The following RGS22 variants were observed in gnomAD, a reference collection of about 807,000 sequenced individuals.
RGS22 encodes the protein regulator of G-protein signaling 22.
In RGS22, 148 loss-of-function variants were observed where a neutral mutation model predicts 172.9. That is an observed-to-expected ratio of 0.86 (90% CI 0.75 to 0.98). The LOEUF (loss-of-function observed/expected upper bound fraction) is 0.98, where lower values mean the gene tolerates loss of function less well. Ranked by LOEUF, RGS22 falls within the 50% of genes least tolerant of loss-of-function variation. RGS22 has a pLI of 0.00. For missense variants in RGS22, 1,347 were observed against 1,440.8 expected (o/e 0.93, Z 1.05); for synonymous variants, 458 against 480.2 (o/e 0.95, Z 0.60).
At position 100,062,738 on chromosome 8, in the gene RGS22, ATCT is replaced by A. The variant is rs1554630398; in HGVS notation, c.1364_1366del (p.Lys455del). 8 of 1,598,638 alleles carry A rather than the reference ATCT, an allele frequency of 5.0e-6. No homozygotes were observed. The highest frequency in any genetic ancestry group is 6.8e-6 in the Non-Finnish European group (8 of 1,174,500). On this transcript the variant is annotated inframe_deletion, in exon 9 of 28. Transcript: ENST00000360863. ...ATTGCTCACTAGATAGCATTTTTTC[ATCT>A]TCTCAAGATGTCTGAAATAAAACAC...
intron 3 of RGS22, among the ~76,000 whole-genome samples, chr8:100,090,965 T>C (rs374329412): frequency 6.6e-6 from 1 of 152,156 alleles, no homozygotes; most frequent in Admixed American, 6.6e-5. Flanking sequence ...TAATACTTTA[T>C]TGAAATCATA....
At chr8:100,077,418 T>C (rs1482289588) in intron 4 of RGS22, among the ~76,000 whole-genome samples, 2 of 152,216 alleles carry the variant, frequency 1.3e-5, no homozygotes, top group Non-Finnish European at 2.9e-5. Context: ...ATCCCACAAA[T>C]TTTGATATGT....
Position 99,987,461 on chromosome 8 carries a change from A to T in RGS22, c.3177T>A (p.Tyr1059Ter). The change falls in exon 21 of 28, where the codon TAT becomes TAA. Residue 1059 changes from tyrosine (Y) to a stop codon, truncating the protein, a stop_gained. Transcript: ENST00000360863. LOFTEE classifies it high-confidence loss of function. Reference protein sequence around the residue: ...GLLFWQEVQKYKDLCHSHCDE... With the variant: ...GLLFWQEVQK ...TCTCTAGCTCCCAATACAATACCTT[A>T]TATTTTTGTACTTCTTGCCAAAAGA... is the stretch of plus-strand genomic sequence containing the variant. 1.2e-6 allele frequency: 2 copies of T among 1,602,540 alleles called. No individual in the cohort carries two copies. Among genetic ancestry groups the T allele is most frequent in the Non-Finnish European group, 1.7e-6 (2 of 1,173,640 alleles).
chr8:100,066,695 C>T (rs1810556511), intron 6 of RGS22, among the ~76,000 whole-genome samples: 1 of 152,098 alleles, frequency 6.6e-6, no homozygotes, highest in Non-Finnish European at 1.5e-5. Flanking sequence ...TACTTCAGGT[C>T]CCCCATTCTG....
chr8:100,077,843 T>G (rs1057069415), intron 4 of RGS22, among the ~76,000 whole-genome samples: 1 of 152,180 alleles, frequency 6.6e-6, no homozygotes, highest in Admixed American at 6.5e-5. Flanking sequence ...AACTATAAAT[T>G]TATCTATTTC....
At position 99,987,619 on chromosome 8, in the gene RGS22, G is replaced by A. The variant is rs769248020; in HGVS notation, c.3019C>T (p.Pro1007Ser). Residue 1007 changes from proline (P) to serine (S), a missense_variant and splice_region_variant, in exon 21 of 28, where the codon CCT (proline) becomes TCT (serine). Transcript: ENST00000360863. ...GAAGAGATCCACTTACTCTCCACAG[G>A]CTGTCCAAAGCAGAGAATATAGGAA... ...KAEKKIGVWK[P>S]VESKWISSSC... 4 of 1,573,544 alleles carry A rather than the reference G, an allele frequency of 2.5e-6. No homozygotes were observed. The highest frequency in any genetic ancestry group is 2.6e-6 in the Non-Finnish European group (3 of 1,159,116).
rs745491621 is a variant in RGS22, at chr8:100,063,789, C to T, written c.979G>A (p.Ala327Thr). The change falls in exon 8 of 28, where the codon GCA (alanine) becomes ACA (threonine). Residue 327 changes from alanine (A) to threonine (T), a missense_variant. Coordinates refer to ENST00000360863, the MANE Select transcript of RGS22 (RefSeq NM_015668.5). ...GGCTTTCCAACAATTTGCTGAATTG[C>T]TCCTCTCAAAATAAAGTATATATAG... is the stretch of plus-strand genomic sequence containing the variant. ...SSYIYFILRG[A>T]IQQIVGKPVG... is the part of the protein sequence containing the mutation. 4 of 1,613,918 alleles carry T rather than the reference C, an allele frequency of 2.5e-6. No individual in the cohort carries two copies. Among genetic ancestry groups the T allele is most frequent in the Non-Finnish European group, 2.5e-6 (3 of 1,180,010 alleles).
chr8:100,015,463 T>C (rs1485588408), intron 14 of RGS22, among the ~76,000 whole-genome samples: 1 of 152,082 alleles, frequency 6.6e-6, no homozygotes, highest in East Asian at 1.9e-4. Flanking sequence ...AGGCTAATTT[T>C]TGTATTTTTC....
chr8:100,034,673 A>G (rs190727411), intron 14 of RGS22, among the ~76,000 whole-genome samples: 13 of 152,338 alleles, frequency 8.5e-5, no homozygotes, highest in Admixed American at 2.6e-4. Flanking sequence ...TCCTAAGCAA[A>G]AAGAACAAAG....
chr8:100,011,711 A>G (rs1816405379), intron 14 of RGS22, among the ~76,000 whole-genome samples: 1 of 152,208 alleles, frequency 6.6e-6, no homozygotes, highest in Non-Finnish European at 1.5e-5. Flanking sequence ...GTGCCAAAAG[A>G]AAATAACTGC....
chr8:100,077,544 A>T (rs183077240), intron 4 of RGS22, among the ~76,000 whole-genome samples: 1 of 152,340 alleles, frequency 6.6e-6, no homozygotes, highest in African/African-American at 2.4e-5. Flanking sequence ...GGATTTTGTT[A>T]CCGATTTATA....
intron 13 of RGS22, among the ~76,000 whole-genome samples, chr8:100,039,382 T>G (rs1020134464): frequency 4.6e-5 from 7 of 150,686 alleles, no homozygotes; most frequent in Non-Finnish European, 8.9e-5. Flanking sequence ...TAAATACTTT[T>G]TTTTTTTTTT....
Position 100,063,512 on chromosome 8 carries a change from T to C in RGS22, c.1256A>G (p.Lys419Arg), listed in dbSNP as rs1340335897. 1.2e-6 allele frequency: 2 copies of C among 1,613,856 alleles called. No homozygotes were observed. The highest frequency in any genetic ancestry group is 1.3e-5 in the African/African-American group (1 of 74,932). Residue 419 changes from lysine to arginine, a missense_variant, in exon 8 of 28, where the codon AAG becomes AGG. Physicochemically the swap from Lys to Arg is conservative, Grantham distance 26. Transcript: ENST00000360863. Reference sequence around the variant, plus strand: ...TCCCAATGTACCTTTTATAAATTTCTTAAATCTTTCAAACTCCTTTCTATT... The same window carrying C: ...TCCCAATGTACCTTTTATAAATTTCCTAAATCTTTCAAACTCCTTTCTATT... ...IGNRKEFERF[K>R]KFIKGTLGER...
chr8:100,025,926 A>C (rs775040115), intron 14 of RGS22, among the ~76,000 whole-genome samples: 5 of 152,208 alleles, frequency 3.3e-5, no homozygotes, highest in Admixed American at 6.5e-5. Context: ...TAGGCAAAAG[A>C]AAGCACATTC....
chr8:100,045,016 C>T (rs562438840), intron 11 of RGS22, among the ~76,000 whole-genome samples: 1 of 152,182 alleles, frequency 6.6e-6, no homozygotes, highest in African/African-American at 2.4e-5. Flanking sequence ...GGCTTGGTGG[C>T]TCATGCCTGT....
chr8:99,977,907 CTT>C lies in RGS22; in HGVS notation c.3519+8_3519+9del. 6.4e-7 allele frequency: 1 copy of C among 1,553,064 alleles called. No individual in the cohort carries two copies. Among genetic ancestry groups the C allele is most frequent in the Non-Finnish European group, 8.6e-7 (1 of 1,160,242 alleles). ...AAGTCTGATAAAACCCAAAATGAGT[CTT>C]GTCTCACCTTTCCAGATTTTTCGTC... On this transcript the variant is annotated splice_region_variant and intron_variant, in intron 23 of 27. Transcript: ENST00000360863.
In RGS22 at chr8:99,978,008, T is replaced by C; in HGVS notation, c.3428A>G (p.Asp1143Gly). The change falls in exon 23 of 28, where the codon GAT becomes GGT. Residue 1143 changes from aspartate to glycine, a missense_variant. Transcript: ENST00000360863. ...QFCEFRKNLTDENIMSVLERR... is the reference protein window; with the variant it reads ...QFCEFRKNLTGENIMSVLERR... ...CTCTAAAACACTCATAATATTTTCA[T>C]CTGTTAAATTCTTCCTAAACTCACA... 1.3e-6 allele frequency: 2 copies of C among 1,549,674 alleles called. No homozygotes were observed. The highest frequency in any genetic ancestry group is 2.4e-5 in the East Asian group (1 of 41,332).
chr8:100,083,706 C>T (rs1811935831), intron 3 of RGS22, among the ~76,000 whole-genome samples: 1 of 152,022 alleles, frequency 6.6e-6, no homozygotes, highest in Admixed American at 6.6e-5. Context: ...AAAACTACAG[C>T]TGAGAAAGCC....
At chr8:100,027,646 C>A (rs990646221) in intron 14 of RGS22, among the ~76,000 whole-genome samples, 2 of 152,058 alleles carry the variant, frequency 1.3e-5, no homozygotes, top group Non-Finnish European at 2.9e-5. Flanking sequence ...CCACATCCGG[C>A]TAATTTTTGT....
Sources: gnomAD v4.1 joint callset for allele counts (sites outside exome capture counted in the v4.1 genomes callset) on GRCh38, gnomAD v4.1.1 for gene constraint, MANE v1.5 for transcripts, NCBI Gene and HGNC (gene_info 2026-07-23, HGNC 2026-07-21) for gene names.